DLGAP1: variants seen among roughly 807,000 people sequenced by gnomAD.
DLGAP1 encodes disks large-associated protein 1.
In DLGAP1, 11 loss-of-function variants were observed where a neutral mutation model predicts 90.8. The ratio of observed to expected loss-of-function variants is 0.12; its 90% CI spans 0.08 to 0.20. The LOEUF is 0.20. Ranked by LOEUF, DLGAP1 falls within the 10% of genes least tolerant of loss-of-function variation. The pLI is 1.00. For synonymous variants in DLGAP1, 558 were observed against 540.7 expected, an observed-to-expected ratio of 1.03 and a Z score of -0.44; for missense variants, 1,050 against 1,333.8, an observed-to-expected ratio of 0.79 and a Z score of 3.31.
intron 10 of DLGAP1, among the ~76,000 whole-genome samples, chr18:3,530,644 G>A (rs942317723): frequency 1.3e-5 from 2 of 152,150 alleles, no homozygotes; most frequent in Non-Finnish European, 2.9e-5. Context: ...ATCCAACTAA[G>A]ACTTTCTTAC....
chr18:4,219,046 T>C (rs1254790829), intron 1 of DLGAP1, among the ~76,000 whole-genome samples: 1 of 149,342 alleles, frequency 6.7e-6, no homozygotes, highest in Non-Finnish European at 1.5e-5. Context: ...TTTTTTTTTT[T>C]TTTTTAAGGA....
intron 2 of DLGAP1, among the ~76,000 whole-genome samples, chr18:4,076,283 A>C (rs2075521975): frequency 6.6e-6 from 1 of 152,218 alleles, no homozygotes; most frequent in African/African-American, 2.4e-5. Flanking sequence ...AACTTGCTAG[A>C]ACTGAGTTAA....
chr18:3,862,006 T>G (rs2070096835), intron 4 of DLGAP1, among the ~76,000 whole-genome samples: 2 of 152,248 alleles, frequency 1.3e-5, no homozygotes, highest in Non-Finnish European at 2.9e-5. Context: ...CGTTGACACT[T>G]GTACATCAAT....
chr18:3,879,537 A>G lies in DLGAP1; in HGVS notation c.532T>C (p.Tyr178His). The G allele has an allele frequency of 6.2e-7, 1 of 1,600,500 alleles. No individual in the cohort carries two copies. Among genetic ancestry groups the G allele is most frequent in the Non-Finnish European group, 8.5e-7 (1 of 1,178,530 alleles). The change falls in exon 4 of 13, where the codon TAT becomes CAT. Residue 178 changes from tyrosine (Y) to histidine (H), a missense_variant. Tyr to His is a moderately conservative substitution (Grantham distance 83). This residue lies in a region of DLGAP1 where 485 missense variants were observed against 454.1 expected (regional missense o/e 1.07). Transcript: ENST00000315677. The surrounding 1 kb of genome is among the most constrained non-coding windows in gnomAD (Gnocchi z 6.6). ...TCCTTGCTCTTGCTGCGTTTGCCATAGCGCGCCGCCTGCGCCTCGTCAGGG... is the reference window on the plus strand; with the variant it reads ...TCCTTGCTCTTGCTGCGTTTGCCATGGCGCGCCGCCTGCGCCTCGTCAGGG... ...ASPDEAQAARYGKRSKSKERR... is the reference protein window; with the variant it reads ...ASPDEAQAARHGKRSKSKERR...
chr18:3,603,931 G>A (rs1373669554), intron 7 of DLGAP1: 1 of 154,354 alleles, frequency 6.5e-6, no homozygotes, highest in Non-Finnish European at 1.5e-5. Flanking sequence ...GAAGGATGGG[G>A]CGGTGGAAGC....
chr18:3,840,068 C>G (rs1055781991), intron 4 of DLGAP1, among the ~76,000 whole-genome samples: 1 of 152,246 alleles, frequency 6.6e-6, no homozygotes, highest in Non-Finnish European at 1.5e-5. Flanking sequence ...ATTCCTCTGA[C>G]CACGTATTTA....
intron 1 of DLGAP1, among the ~76,000 whole-genome samples, chr18:4,260,415 T>C (rs1388129053): frequency 6.6e-6 from 1 of 152,160 alleles, no homozygotes; most frequent in Admixed American, 6.5e-5. Flanking sequence ...CAGCCTTAAG[T>C]TTCATTTTTC....
intron 6 of DLGAP1, among the ~76,000 whole-genome samples, chr18:3,736,629 T>A (rs918174): frequency 1.3e-5 from 2 of 152,058 alleles, no homozygotes; most frequent in Admixed American, 1.3e-4. Context: ...CTAGGGTATA[T>A]ACAGTAGCAT....
At chr18:3,992,340 T>G (rs945496741) in intron 3 of DLGAP1, among the ~76,000 whole-genome samples, 3 of 152,192 alleles carry the variant, frequency 2.0e-5, no homozygotes, top group African/African-American at 7.2e-5. Context: ...AGCTTTTCTC[T>G]TCTCTTTATC....
chr18:4,094,569 T>C (rs1453503423), intron 2 of DLGAP1, among the ~76,000 whole-genome samples: 1 of 151,638 alleles, frequency 6.6e-6, no homozygotes, highest in Non-Finnish European at 1.5e-5. Context: ...TTTTGATTTT[T>C]ATATATTTTA....
chr18:3,860,722 C>T (rs76033444), intron 4 of DLGAP1, among the ~76,000 whole-genome samples: 2 of 152,144 alleles, frequency 1.3e-5, no homozygotes, highest in African/African-American at 2.4e-5. Flanking sequence ...GAATTTGTGA[C>T]GTTTCATGGA....
rs1313872452 is a variant in DLGAP1 at position 3,551,673 on chromosome 18, T to TTTCC, written c.2057+15816_2057+15817insGGAA. Among the ~76,000 whole-genome samples the TTTCC allele has an allele frequency of 2.9e-5, 2 of 68,526 alleles. 1 individual carries two copies. Among genetic ancestry groups the TTTCC allele is most frequent in the Non-Finnish European group, 6.5e-5 (2 of 30,872 alleles). 45.0% of individuals were successfully genotyped at this position (68,526 alleles called of 152,430 possible). A position where few individuals can be genotyped will look rare whatever the true frequency, so the allele number is the denominator to read the frequency against. The stretch of plus-strand genomic sequence containing the variant: ...CTCTCTTTGTCTCTTTCCTTCTTTC[T>TTTCC]TTTCCCTCCCCTCCCTCCCTCCCTC... On this transcript the variant is annotated intron_variant, in intron 9 of 12. Coordinates refer to ENST00000315677, the MANE Select transcript of DLGAP1 (RefSeq NM_004746.4).
intron 3 of DLGAP1, among the ~76,000 whole-genome samples, chr18:3,929,084 G>A (rs1340126010): frequency 6.6e-6 from 1 of 152,036 alleles, no homozygotes; most frequent in African/African-American, 2.4e-5. Flanking sequence ...GTTTCCTGAG[G>A]TCTCCCAGCC....
At chr18:4,170,130 G>A (rs1568431696) in intron 1 of DLGAP1, among the ~76,000 whole-genome samples, 1 of 152,086 alleles carries the variant, frequency 6.6e-6, no homozygotes, top group African/African-American at 2.4e-5. Flanking sequence ...TGGTTTAGAG[G>A]AAGCCAGTAG....
chr18:3,958,452 A>T (rs1403661449), intron 3 of DLGAP1, among the ~76,000 whole-genome samples: 2 of 116,688 alleles, frequency 1.7e-5, no homozygotes, highest in Non-Finnish European at 3.6e-5. Flanking sequence ...ATTGCAAATT[A>T]GGATAAGCAA....
At chr18:3,750,756 T>C (rs1347145874) in intron 5 of DLGAP1, among the ~76,000 whole-genome samples, 1 of 152,200 alleles carries the variant, frequency 6.6e-6, no homozygotes. Context: ...TCGTTTGCTG[T>C]TTCCCCACGT....
chr18:4,453,918 A>AC (rs2083899766), intron 1 of DLGAP1, among the ~76,000 whole-genome samples: 1 of 152,076 alleles, frequency 6.6e-6, no homozygotes, highest in Non-Finnish European at 1.5e-5. Flanking sequence ...CCGCCTGGCT[A>AC]CCTTTAACCC....
chr18:4,420,842 T>C (rs1413776326), intron 1 of DLGAP1, among the ~76,000 whole-genome samples: 1 of 152,198 alleles, frequency 6.6e-6, no homozygotes, highest in African/African-American at 2.4e-5. Flanking sequence ...AAGCCAGAAT[T>C]GTGCATCTTA....
At chr18:3,907,137 G>A (rs980304402) in intron 3 of DLGAP1, among the ~76,000 whole-genome samples, 4 of 150,372 alleles carry the variant, frequency 2.7e-5, no homozygotes, top group East Asian at 2.0e-4. Context: ...GGATGTTAGC[G>A]TCAGTGGGGG....
Sources: allele counts gnomAD v4.1 joint callset (sites outside exome capture counted in the v4.1 genomes callset), GRCh38; gene constraint gnomAD v4.1.1; regional missense constraint gnomAD v4.1.1; non-coding constraint Gnocchi (gnomAD v3.1); transcripts MANE v1.5; gene names NCBI Gene and HGNC (gene_info 2026-07-23, HGNC 2026-07-21).